The following SLC16A1 variants were observed in gnomAD, a reference collection of about 807,000 sequenced individuals.
The protein encoded by SLC16A1 is solute carrier family 16 member 1.
A neutral mutation model predicts 32.2 loss-of-function variants in SLC16A1; 11 were observed. The observed-to-expected ratio is 0.34, with a 90% CI of 0.21 to 0.56. The LOEUF (loss-of-function observed/expected upper bound fraction) is 0.56, where lower values mean the gene tolerates loss of function less well. SLC16A1 is among the 20% of genes least tolerant of loss of function. SLC16A1 has a pLI of 0.87. For synonymous variants in SLC16A1, 231 were observed against 226.8 expected (o/e 1.02, Z -0.17); for missense variants, 435 against 615.0 (o/e 0.71, Z 3.10).
Position 112,933,455 on chromosome 1 carries a change from C to CAA in SLC16A1, c.-44-4105_-44-4104dup, listed in dbSNP as rs55668332. Among the ~76,000 whole-genome samples the CAA allele has an allele frequency of 2.3e-3, 188 of 83,520 alleles. 1 individual carries two copies. Among genetic ancestry groups the CAA allele is most frequent in the Middle Eastern group, 6.6e-3 (1 of 152 alleles). 54.8% of individuals were successfully genotyped at this position (83,520 alleles called of 152,430 possible). A position where few individuals can be genotyped will look rare whatever the true frequency, so the allele number is the denominator to read the frequency against. On this transcript the variant is annotated intron_variant, in intron 1 of 4. Transcript: ENST00000369626. Reference sequence around the variant, plus strand: ...TGGCCGACACAGCGAGACTGCGTCTCAAAAAAAAAAAAAAAAAAGTTTTAA... The same window carrying CAA: ...TGGCCGACACAGCGAGACTGCGTCTCAAAAAAAAAAAAAAAAAAAAGTTTTAA...
intron 1 of SLC16A1, among the ~76,000 whole-genome samples, chr1:112,938,827 A>C (rs1033479413): frequency 6.6e-6 from 1 of 152,112 alleles, no homozygotes; most frequent in African/African-American, 2.4e-5. Context: ...AATAATTTAC[A>C]GTTTAAAATT....
chr1:112,948,050 C>G (rs1329343064), intron 1 of SLC16A1, among the ~76,000 whole-genome samples: 2 of 152,130 alleles, frequency 1.3e-5, no homozygotes, highest in Admixed American at 6.6e-5. Context: ...GAAACCCCAT[C>G]TCTACTAAAA....
chr1:112,938,168 G>A (rs1649374603), intron 1 of SLC16A1, among the ~76,000 whole-genome samples: 1 of 152,154 alleles, frequency 6.6e-6, no homozygotes, highest in Non-Finnish European at 1.5e-5. Flanking sequence ...CTTAAAAGAA[G>A]CAGAAAGTAT....
At chr1:112,936,480 C>CAAA (rs35673011) in intron 1 of SLC16A1, among the ~76,000 whole-genome samples, 65 of 54,760 alleles carry the variant, frequency 1.2e-3, no homozygotes, top group East Asian at 3.6e-3. Context: ...GACTCTGTCT[C>CAAA]AAAAAAAAAA....
intron 1 of SLC16A1, among the ~76,000 whole-genome samples, chr1:112,931,589 G>A (rs959006859): frequency 1.4e-5 from 2 of 143,540 alleles, no homozygotes; most frequent in African/African-American, 2.6e-5. Context: ...AGGTTGCAGT[G>A]AGCCGGGATC....
At chr1:112,940,262 G>A (rs932098280) in intron 1 of SLC16A1, among the ~76,000 whole-genome samples, 6 of 151,870 alleles carry the variant, frequency 4.0e-5, no homozygotes, top group South Asian at 2.1e-4. Context: ...GGTCTTGAAC[G>A]CCTGGGCTGG....
chr1:112,948,049 T>A (rs1337344147), intron 1 of SLC16A1, among the ~76,000 whole-genome samples: 1 of 152,088 alleles, frequency 6.6e-6, no homozygotes, highest in Non-Finnish European at 1.5e-5. Flanking sequence ...TGAAACCCCA[T>A]CTCTACTAAA....
chr1:112,949,109 C>T (rs1433472685), intron 1 of SLC16A1, among the ~76,000 whole-genome samples: 1 of 151,940 alleles, frequency 6.6e-6, no homozygotes, highest in Non-Finnish European at 1.5e-5. Context: ...GCCTGCCTCG[C>T]ACTCCCAAAG....
chr1:112,939,564 G>A (rs946578925), intron 1 of SLC16A1, among the ~76,000 whole-genome samples: 3 of 152,026 alleles, frequency 2.0e-5, no homozygotes, highest in Non-Finnish European at 4.4e-5. Flanking sequence ...GGAGTGCAAT[G>A]GCATGATCTC....
At chr1:112,936,333 C>G (rs1275489237) in intron 1 of SLC16A1, among the ~76,000 whole-genome samples, 1 of 151,784 alleles carries the variant, frequency 6.6e-6, no homozygotes, top group South Asian at 2.1e-4. Flanking sequence ...AATGGTGAAA[C>G]CCCAACTCTA....
rs747489976 is a variant in SLC16A1 at position 112,913,848 on chromosome 1, C to G, written c.*43G>C. The G allele has an allele frequency of 3.1e-6, 5 of 1,611,986 alleles. No individual in the cohort carries two copies. Among genetic ancestry groups the G allele is most frequent in the African/African-American group, 2.7e-5 (2 of 74,850 alleles). On this transcript the variant is annotated 3_prime_UTR_variant, in exon 5 of 5. Coordinates refer to ENST00000369626, the MANE Select transcript of SLC16A1 (RefSeq NM_003051.4). ...AGGCCAGTAGAATATTTTCAGATATCCTGGGTCATGAACTGCTCAATTTAC... is the reference window on the plus strand; with the variant it reads ...AGGCCAGTAGAATATTTTCAGATATGCTGGGTCATGAACTGCTCAATTTAC...
intron 1 of SLC16A1, chr1:112,935,785 GACAAA>G (rs1649280975): frequency 6.6e-6 from 1 of 152,138 alleles, no homozygotes; most frequent in South Asian, 2.1e-4. Context: ...TATTCATACT[GACAAA>G]ACAGTCTTCC....
intron 2 of SLC16A1, among the ~76,000 whole-genome samples, chr1:112,927,282 T>G (rs1325144122): frequency 6.6e-6 from 1 of 151,962 alleles, no homozygotes; most frequent in African/African-American, 2.4e-5. Flanking sequence ...AAATTTATAC[T>G]TTCATGTTTA....
intron 1 of SLC16A1, among the ~76,000 whole-genome samples, chr1:112,949,329 G>A (rs569604771): frequency 2.0e-5 from 3 of 152,320 alleles, no homozygotes; most frequent in Non-Finnish European, 4.4e-5. Context: ...GATTACAGGC[G>A]TGAGCCACTG....
Position 112,922,259 on chromosome 1 carries a change from C to T in SLC16A1, c.218-126G>A, listed in dbSNP as rs530901593. 5.8e-6 allele frequency: 5 copies of T among 867,808 alleles called. No homozygotes were observed. The East Asian group carries it at 1.3e-4, about 23-fold the overall frequency. The allele number at this position is 867,808 out of a possible 1,614,324, so 53.8% of individuals were successfully genotyped here. ...GCAGCAATGATAAGAATATTGTTTTCTATAATTACTTCTGAGTCACATGTG... is the reference window on the plus strand; with the variant it reads ...GCAGCAATGATAAGAATATTGTTTTTTATAATTACTTCTGAGTCACATGTG... On this transcript the variant is annotated intron_variant, in intron 2 of 4. Coordinates refer to ENST00000369626, the MANE Select transcript of SLC16A1 (RefSeq NM_003051.4).
At chr1:112,920,289 A>G (rs990713372) in intron 3 of SLC16A1, among the ~76,000 whole-genome samples, 1 of 152,086 alleles carries the variant, frequency 6.6e-6, no homozygotes, top group Admixed American at 6.5e-5. Flanking sequence ...CCTGGCCAAC[A>G]TGGTGAAACC....
chr1:112,943,383 T>C (rs756304768), intron 1 of SLC16A1, among the ~76,000 whole-genome samples: 8 of 152,148 alleles, frequency 5.3e-5, no homozygotes, highest in Non-Finnish European at 1.0e-4. Flanking sequence ...TATACTTTGT[T>C]AGCTAACAAA....
intron 2 of SLC16A1, among the ~76,000 whole-genome samples, chr1:112,928,350 C>T (rs1480091450): frequency 6.6e-6 from 1 of 152,236 alleles, no homozygotes; most frequent in African/African-American, 2.4e-5. Flanking sequence ...CTGTCACTCA[C>T]AATACCTAGC....
rs1649033466 is a variant in SLC16A1 at position 112,929,027 on chromosome 1, T to C, written c.217+65A>G. The C allele has an allele frequency of 1.5e-5, 17 of 1,138,866 alleles. No individual in the cohort carries two copies. In the East Asian group the frequency reaches 4.2e-4, roughly 28 times the overall value. 70.5% of individuals were successfully genotyped at this position (1,138,866 alleles called of 1,614,324 possible). A position where few individuals can be genotyped will look rare whatever the true frequency, so the allele number is the denominator to read the frequency against. On this transcript the variant is annotated intron_variant, in intron 2 of 4. Transcript: ENST00000369626. Reference sequence around the variant, plus strand: ...TAAGACTTTTTTTTTTTTTTAAAGTTACCTAATACAGACACTCTGGCTGCT... The same window carrying C: ...TAAGACTTTTTTTTTTTTTTAAAGTCACCTAATACAGACACTCTGGCTGCT...
Sources: gnomAD v4.1 joint callset for allele counts (sites outside exome capture counted in the v4.1 genomes callset) on GRCh38, gnomAD v4.1.1 for gene constraint, MANE v1.5 for transcripts, NCBI Gene and HGNC (gene_info 2026-07-23, HGNC 2026-07-21) for gene names.